The following PTPRN2 variants were observed in gnomAD, a reference collection of about 807,000 sequenced individuals.
PTPRN2 encodes the protein protein tyrosine phosphatase receptor type N2.
PTPRN2 carries 74 observed loss-of-function variants against 118.8 expected under a neutral mutation model. The ratio of observed to expected loss-of-function variants is 0.62; its 90% CI spans 0.52 to 0.76. PTPRN2 has a LOEUF of 0.76. PTPRN2 is among the 30% of genes least tolerant of loss of function. The pLI, the probability that PTPRN2 is intolerant of heterozygous loss-of-function variation, is 0.00. For synonymous variants in PTPRN2, 641 were observed against 608.0 expected (o/e 1.05, Z -0.80); for missense variants, 1,481 against 1,394.4 (o/e 1.06, Z -0.99).
chr7:158,300,600 G>A (rs1049519276), intron 3 of PTPRN2, among the ~76,000 whole-genome samples: 15 of 2,090 alleles, frequency 7.2e-3, no homozygotes, highest in Non-Finnish European at 0.019. Context: ...CGCCCCCCAC[G>A]TGTCTGTCTG....
chr7:158,113,565 T>G (rs1305174249), intron 9 of PTPRN2, among the ~76,000 whole-genome samples: 1 of 152,000 alleles, frequency 6.6e-6, no homozygotes, highest in East Asian at 1.9e-4. Context: ...AGGGACCCCT[T>G]GGGGAGAGGA....
intron 2 of PTPRN2, among the ~76,000 whole-genome samples, chr7:158,477,182 A>AGG (rs1041601803): frequency 6.6e-5 from 10 of 152,176 alleles, no homozygotes; most frequent in Admixed American, 2.0e-4. Flanking sequence ...GAGAGGATGA[A>AGG]GGGGCGGGGC....
intron 11 of PTPRN2, chr7:158,030,200 T>G (rs190023693): frequency 6.6e-6 from 1 of 152,314 alleles, no homozygotes; most frequent in Admixed American, 6.5e-5. Flanking sequence ...CAATTGTACC[T>G]TCTGTCTGGA....
chr7:158,471,807 G>A (rs1334972521), intron 2 of PTPRN2, among the ~76,000 whole-genome samples: 1 of 152,208 alleles, frequency 6.6e-6, no homozygotes, highest in East Asian at 1.9e-4. Context: ...GAATTGAAAA[G>A]CAACCAAGAA....
chr7:158,390,943 T>C (rs1043370196), intron 2 of PTPRN2, among the ~76,000 whole-genome samples: 1 of 152,202 alleles, frequency 6.6e-6, no homozygotes, highest in African/African-American at 2.4e-5. Context: ...TGGCAGGCTC[T>C]GTCCGCTGTC....
intron 14 of PTPRN2, among the ~76,000 whole-genome samples, chr7:157,643,832 C>T (rs564532516): frequency 7.6e-4 from 116 of 152,344 alleles, no homozygotes; most frequent in African/African-American, 2.7e-3. Context: ...CTCGAAGGTT[C>T]GTCACCAACT....
intron 12 of PTPRN2, among the ~76,000 whole-genome samples, chr7:157,837,228 T>A (rs1478452558): frequency 8.6e-6 from 1 of 116,818 alleles, no homozygotes; most frequent in Non-Finnish European, 1.8e-5. Flanking sequence ...TGCCCACCCA[T>A]CCACACATCC....
chr7:158,385,434 TC>T (rs1466624821), intron 2 of PTPRN2, among the ~76,000 whole-genome samples: 2 of 152,192 alleles, frequency 1.3e-5, no homozygotes, highest in African/African-American at 4.8e-5. Context: ...CTTTAAAATC[TC>T]ACTGTATAGC....
intron 11 of PTPRN2, among the ~76,000 whole-genome samples, chr7:157,910,918 T>C (rs1478496003): frequency 1.3e-5 from 2 of 152,246 alleles, no homozygotes; most frequent in Admixed American, 1.3e-4. Context: ...CAGAAGGAAT[T>C]AAAATAACCC....
intron 12 of PTPRN2, among the ~76,000 whole-genome samples, chr7:157,735,582 G>A (rs1800249564): frequency 6.6e-6 from 1 of 152,204 alleles, no homozygotes; most frequent in Admixed American, 6.5e-5. Context: ...AAAGGCAGCT[G>A]GGGCTAAAAT....
intron 11 of PTPRN2, among the ~76,000 whole-genome samples, chr7:158,019,128 C>T (rs1806675420): frequency 1.3e-5 from 2 of 152,232 alleles, no homozygotes; most frequent in Admixed American, 6.5e-5. Flanking sequence ...GAAGCACTTG[C>T]AGCCGGACCA....
intron 6 of PTPRN2, among the ~76,000 whole-genome samples, chr7:158,150,362 G>A (rs1427164685): frequency 1.3e-5 from 2 of 152,212 alleles, no homozygotes; most frequent in African/African-American, 2.4e-5. Context: ...CTCACCAAGG[G>A]TGTACCCCAG....
chr7:157,630,842 A>C (rs1803897101), intron 14 of PTPRN2, among the ~76,000 whole-genome samples: 2 of 152,282 alleles, frequency 1.3e-5, no homozygotes, highest in Admixed American at 1.3e-4. Context: ...TCACATTTTA[A>C]AAACTGCTTT....
chr7:157,899,902 C>T (rs1797345754), intron 11 of PTPRN2, among the ~76,000 whole-genome samples: 1 of 152,172 alleles, frequency 6.6e-6, no homozygotes, highest in African/African-American at 2.4e-5. Flanking sequence ...GGGGAGGACA[C>T]AAATGTAAGC....
intron 11 of PTPRN2, among the ~76,000 whole-genome samples, chr7:157,927,641 C>T (rs1799104827): frequency 6.6e-6 from 1 of 152,092 alleles, no homozygotes; most frequent in South Asian, 2.1e-4. Flanking sequence ...GCCCCAGGGA[C>T]CCGTCTGAGA....
intron 14 of PTPRN2, among the ~76,000 whole-genome samples, chr7:157,649,360 C>T (rs1230268136): frequency 2.1e-4 from 16 of 75,364 alleles, no homozygotes; most frequent in African/African-American, 4.4e-4. Flanking sequence ...ACCCATCCAG[C>T]GTGCACTGAA....
At chr7:158,393,135 T>G (rs570516431) in intron 2 of PTPRN2, among the ~76,000 whole-genome samples, 27 of 152,242 alleles carry the variant, frequency 1.8e-4, no homozygotes, top group African/African-American at 6.3e-4. Context: ...GAAAGGAGAC[T>G]GGGCAGGAAG....
intron 1 of PTPRN2, among the ~76,000 whole-genome samples, chr7:158,498,968 A>T (rs1306743636): frequency 6.6e-6 from 1 of 152,232 alleles, no homozygotes; most frequent in Admixed American, 6.5e-5. Flanking sequence ...TGAACTTTAG[A>T]CATGTGGTAC....
Position 158,169,415 on chromosome 7 carries a change from TGA to T in PTPRN2, c.550-2126_550-2125del, listed in dbSNP as rs771456531. 7.1e-5 allele frequency among the ~76,000 whole-genome samples: 9 copies of T among 126,330 alleles called. No individual in the cohort carries two copies. In the South Asian group the frequency reaches 2.6e-3, roughly 37 times the overall value. The allele number at this position is 126,330 out of a possible 152,430, so 82.9% of individuals were successfully genotyped here. A position where few individuals can be genotyped will look rare whatever the true frequency, so the allele number is the denominator to read the frequency against. On this transcript the variant is annotated intron_variant, in intron 5 of 22. Coordinates refer to ENST00000389418, the MANE Select transcript of PTPRN2 (RefSeq NM_002847.5). ...ACACCACCATACCTGGCTGCTTTTG[TGA>T]GTGTGTGTGTGTGTGTGTGTGTGTG...
Sources: gnomAD v4.1 joint callset for allele counts (sites outside exome capture counted in the v4.1 genomes callset) on GRCh38, gnomAD v4.1.1 for gene constraint, MANE v1.5 for transcripts, NCBI Gene and HGNC (gene_info 2026-07-23, HGNC 2026-07-21) for gene names.